Variants in TRPC5 observed in about 807,000 individuals in gnomAD.
TRPC5 encodes the protein short transient receptor potential channel 5.
A neutral mutation model predicts 56.5 loss-of-function variants in TRPC5; 9 were observed. That is an observed-to-expected ratio of 0.16 (90% CI 0.10 to 0.28). The LOEUF (loss-of-function observed/expected upper bound fraction) is 0.28. TRPC5 is among the 10% of genes least tolerant of loss of function. TRPC5 has a pLI of 1.00. For missense variants in TRPC5, 469 were observed against 748.9 expected (o/e 0.63, Z 4.36); for synonymous variants, 282 against 278.5 (o/e 1.01, Z -0.13).
rs749480183 is a variant in TRPC5, at chrX:111,965,498, C to T, written c.-21-13057G>A. The stretch of plus-strand genomic sequence containing the variant: ...CCTAATAGACATCTACAGAACTCTC[C>T]ACCCCAAATCAACAGAATATACATT... On this transcript the variant is annotated intron_variant, in intron 1 of 10. Coordinates refer to ENST00000262839, the MANE Select transcript of TRPC5 (RefSeq NM_012471.3). Among the ~76,000 whole-genome samples the T allele has an allele frequency of 4.4e-3, 495 of 111,712 alleles. 2 individuals are homozygous for T. Among genetic ancestry groups the T allele is most frequent in the African/African-American group, 0.015 (470 of 30,678 alleles).
At chrX:112,080,395 TACACACACAC>T (rs201063739) in intron 1 of TRPC5, among the ~76,000 whole-genome samples, 1,555 of 79,138 alleles carry the variant, frequency 0.02, 23 homozygotes, top group African/African-American at 0.066. Flanking sequence ...AAAAACTACA[TACACACACAC>T]ACACACACAC....
intron 1 of TRPC5, among the ~76,000 whole-genome samples, chrX:112,053,307 AAG>A (rs1294856173): frequency 8.9e-6 from 1 of 111,851 alleles, no homozygotes; most frequent in East Asian, 2.8e-4. Flanking sequence ...TGTAGAAATG[AAG>A]AGTTTGCTAC....
At chrX:112,076,649 T>C (rs1305141328) in intron 1 of TRPC5, among the ~76,000 whole-genome samples, 1 of 111,749 alleles carries the variant, frequency 8.9e-6, no homozygotes, top group Non-Finnish European at 1.9e-5. Flanking sequence ...TGTGTGTGTA[T>C]GTATGTGTGT....
intron 7 of TRPC5, among the ~76,000 whole-genome samples, chrX:111,811,005 A>G (rs1165946571): frequency 8.9e-6 from 1 of 112,310 alleles, no homozygotes; most frequent in African/African-American, 3.2e-5. Flanking sequence ...TAACATTACA[A>G]TAAAATTTTG....
chrX:112,046,267 A>G (rs1930021473), intron 1 of TRPC5, among the ~76,000 whole-genome samples: 1 of 100,336 alleles, frequency 1.0e-5, no homozygotes, highest in Non-Finnish European at 2.0e-5. Context: ...GTTCAAGGCT[A>G]TTGGACTTGG....
chrX:111,834,983 A>T lies in TRPC5; in HGVS notation c.1834T>A (p.Ser612Thr). Residue 612 changes from serine (S) to threonine (T), a missense_variant, in exon 7 of 11, where the codon TCC becomes ACC. This residue lies in a region of TRPC5 where 157 missense variants were observed against 360.0 expected (regional missense o/e 0.44). Transcript: ENST00000262839. ...ATMFGTYNVI[S>T]LVVLLNMLIA... ...AGCATGTTCAGCAGCACTACCAGGG[A>T]GATGACATTGTATGTTCCAAACATG... is the stretch of plus-strand genomic sequence containing the variant. 8.3e-7 allele frequency: 1 copy of T among 1,211,303 alleles called. No individual in the cohort carries two copies. Among genetic ancestry groups the T allele is most frequent in the South Asian group, 1.8e-5 (1 of 56,921 alleles).
At chrX:111,837,755 A>G (rs1027798988) in intron 6 of TRPC5, among the ~76,000 whole-genome samples, 9 of 110,494 alleles carry the variant, frequency 8.1e-5, no homozygotes, top group Admixed American at 2.9e-4. Context: ...AACGTTCCCT[A>G]AAAGTAAAAG....
At chrX:111,971,182 C>T (rs1178296378) in intron 1 of TRPC5, among the ~76,000 whole-genome samples, 1 of 111,163 alleles carries the variant, frequency 9.0e-6, no homozygotes, top group Non-Finnish European at 1.9e-5. Flanking sequence ...TTTATTAACA[C>T]GATAAAAGTT....
At chrX:111,997,827 G>T (rs898585967) in intron 1 of TRPC5, among the ~76,000 whole-genome samples, 9 of 110,414 alleles carry the variant, frequency 8.2e-5, no homozygotes, top group Non-Finnish European at 1.7e-4. Context: ...TCATGCCATG[G>T]TTTTCAGCTC....
chrX:111,888,693 CAAA>C (rs753735549), intron 3 of TRPC5, among the ~76,000 whole-genome samples: 4 of 10,975 alleles, frequency 3.6e-4, no homozygotes, highest in Admixed American at 1.5e-3. Flanking sequence ...GACTCTATCT[CAAA>C]AAAAAAAAAA....
chrX:111,944,309 AGAGAG>A (rs1569528412), intron 2 of TRPC5, among the ~76,000 whole-genome samples: 18 of 81,163 alleles, frequency 2.2e-4, no homozygotes, highest in African/African-American at 1.2e-3. Flanking sequence ...TGTGTGAGAG[AGAGAG>A]AGAGAGAGAG....
In TRPC5 at chrX:111,853,842, C is replaced by T; in HGVS notation, c.1165G>A (p.Val389Ile). ...FMLLLASQHI[V>I]RTDLHVQGPP... ...CCCTGTACATGAAGGTCTGTCCTGA[C>T]AATGTGCTGAGAAGCCAGGAGAAGC... is the stretch of plus-strand genomic sequence containing the variant. Residue 389 changes from valine to isoleucine, a missense_variant, in exon 4 of 11, where the codon GTC becomes ATC. Physicochemically the swap from Val to Ile is conservative, Grantham distance 29. Transcript: ENST00000262839. 3.3e-6 allele frequency: 4 copies of T among 1,211,890 alleles called. No homozygotes were observed. The East Asian group carries it at 8.9e-5, about 27-fold the overall frequency.
intron 1 of TRPC5, among the ~76,000 whole-genome samples, chrX:111,956,586 T>C (rs1197252564): frequency 9.0e-6 from 1 of 111,423 alleles, no homozygotes; most frequent in Non-Finnish European, 1.9e-5. Context: ...ATAGTGGAAA[T>C]TTCTTGTATA....
chrX:111,978,244 T>C (rs954325216), intron 1 of TRPC5, among the ~76,000 whole-genome samples: 14 of 111,896 alleles, frequency 1.3e-4, no homozygotes, highest in African/African-American at 4.5e-4. Context: ...TTAAATATTA[T>C]TTAGTCTTAA....
At chrX:111,805,668 A>G (rs769036647) in intron 7 of TRPC5, among the ~76,000 whole-genome samples, 12 of 111,491 alleles carry the variant, frequency 1.1e-4, no homozygotes, top group African/African-American at 3.9e-4. Context: ...CTATCTATCT[A>G]TCTATAGATA....
chrX:111,904,985 C>T (rs1228976804), intron 3 of TRPC5, among the ~76,000 whole-genome samples: 4 of 107,306 alleles, frequency 3.7e-5, no homozygotes, highest in Non-Finnish European at 7.7e-5. Context: ...TTTTTTTAAC[C>T]AAATTGAATT....
chrX:111,921,613 G>A (rs887567428), intron 2 of TRPC5, among the ~76,000 whole-genome samples: 5 of 110,710 alleles, frequency 4.5e-5, no homozygotes, highest in African/African-American at 1.6e-4. Context: ...TTTTTAAAAG[G>A]AAAAATAAAG....
chrX:111,995,721 C>T (rs747897850), intron 1 of TRPC5, among the ~76,000 whole-genome samples: 20 of 111,551 alleles, frequency 1.8e-4, no homozygotes, highest in African/African-American at 5.5e-4. Context: ...GGAAATTATC[C>T]ATTTCTTCTA....
At chrX:112,073,647 A>T (rs1306626703) in intron 1 of TRPC5, among the ~76,000 whole-genome samples, 1 of 111,595 alleles carries the variant, frequency 9.0e-6, no homozygotes, top group Non-Finnish European at 1.9e-5. Context: ...CTCCAGTGTC[A>T]CATCTAAAAT....
Sources: gnomAD v4.1 joint callset for allele counts (sites outside exome capture counted in the v4.1 genomes callset) on GRCh38, gnomAD v4.1.1 for gene constraint, gnomAD v4.1.1 regional missense constraint, MANE v1.5 for transcripts, NCBI Gene and HGNC (gene_info 2026-07-23, HGNC 2026-07-21) for gene names.